GABRA3: variants seen among roughly 807,000 people sequenced by gnomAD.
GABRA3 encodes the protein gamma-aminobutyric acid type A receptor subunit alpha3.
In GABRA3, 10 loss-of-function variants were observed where a neutral mutation model predicts 30.1. That is an observed-to-expected ratio of 0.33 (90% CI 0.20 to 0.56). The LOEUF (loss-of-function observed/expected upper bound fraction) is 0.56, where lower values mean the gene tolerates loss of function less well. Among genes scored for constraint, GABRA3 ranks in the 20% least tolerant of loss-of-function variants. The probability of loss-of-function intolerance (pLI) is 0.89; values close to 1 mark genes in which losing one functional copy is unlikely to be tolerated. For missense variants in GABRA3, 233 were observed against 392.0 expected, an observed-to-expected ratio of 0.59 and a Z score of 3.42; for synonymous variants, 151 against 146.8, an observed-to-expected ratio of 1.03 and a Z score of -0.21.
At chrX:152,439,693 G>A (rs932369215) in intron 1 of GABRA3, among the ~76,000 whole-genome samples, 1 of 111,148 alleles carries the variant, frequency 9.0e-6, no homozygotes, top group South Asian at 3.8e-4. Context: ...TAAATAGTGG[G>A]AAAAAAACAA....
chrX:152,183,523 T>G (rs973172858), intron 9 of GABRA3, among the ~76,000 whole-genome samples: 1 of 111,361 alleles, frequency 9.0e-6, no homozygotes, highest in Non-Finnish European at 1.9e-5. Flanking sequence ...TAATGATCTT[T>G]TCTATTGATT....
intron 3 of GABRA3, among the ~76,000 whole-genome samples, chrX:152,332,385 T>C (rs1940176749): frequency 8.9e-6 from 1 of 111,842 alleles, no homozygotes; most frequent in Non-Finnish European, 1.9e-5. Flanking sequence ...AGATTGCTAA[T>C]TGGGAGAGGT....
chrX:152,284,590 C>T, intron 4 of GABRA3, 78 bp downstream of exon 4: 6 of 659,472 alleles, frequency 9.1e-6, no homozygotes, highest in Non-Finnish European at 1.4e-5. Flanking sequence ...AGCTACAAGG[C>T]CCTGCCTTAG....
chrX:152,355,514 T>G (rs1250787693), intron 2 of GABRA3, among the ~76,000 whole-genome samples: 1 of 111,541 alleles, frequency 9.0e-6, no homozygotes, highest in African/African-American at 3.3e-5. Flanking sequence ...TGAAGAAAGC[T>G]TGATTTACAT....
intron 3 of GABRA3, among the ~76,000 whole-genome samples, chrX:152,308,922 T>C (rs1939759372): frequency 1.8e-5 from 2 of 111,987 alleles, no homozygotes; most frequent in Admixed American, 9.5e-5. Context: ...AAAGATGAAA[T>C]AGCCATTTTA....
At chrX:152,276,839 A>G (rs1195362842) in intron 4 of GABRA3, among the ~76,000 whole-genome samples, 1 of 112,144 alleles carries the variant, frequency 8.9e-6, no homozygotes, top group Non-Finnish European at 1.9e-5. Flanking sequence ...AATGTATGTG[A>G]TATACACATT....
intron 1 of GABRA3, among the ~76,000 whole-genome samples, chrX:152,371,814 C>T (rs1239242238): frequency 9.0e-6 from 1 of 111,351 alleles, no homozygotes; most frequent in Admixed American, 9.6e-5. Flanking sequence ...GTACCAGGCA[C>T]CATTCTAAGT....
intron 3 of GABRA3, among the ~76,000 whole-genome samples, chrX:152,294,005 CTGATG>C (rs1369454122): frequency 1.1e-3 from 128 of 112,075 alleles, no homozygotes; most frequent in Non-Finnish European, 3.9e-4. Context: ...CGCTGTTAGT[CTGATG>C]GGCTTCCCTT....
chrX:152,377,546 A>G, intron 1 of GABRA3, among the ~76,000 whole-genome samples: 1 of 111,269 alleles, frequency 9.0e-6, no homozygotes, highest in South Asian at 3.8e-4. Context: ...TTTGGGGAGA[A>G]TAAACCCAAA....
intron 2 of GABRA3, among the ~76,000 whole-genome samples, chrX:152,347,700 C>G (rs922692287): frequency 9.8e-5 from 11 of 112,060 alleles, no homozygotes; most frequent in Non-Finnish European, 2.1e-4. Flanking sequence ...GAAATACTAG[C>G]TTCCATGAGA....
At chrX:152,354,582 G>A (rs1940522593) in intron 2 of GABRA3, among the ~76,000 whole-genome samples, 1 of 111,684 alleles carries the variant, frequency 9.0e-6, no homozygotes, top group Non-Finnish European at 1.9e-5. Flanking sequence ...AGAAAGCATG[G>A]AGTATATCTG....
chrX:152,170,723 C>A (rs1936992414), intron 9 of GABRA3, among the ~76,000 whole-genome samples: 1 of 111,883 alleles, frequency 8.9e-6, no homozygotes, highest in African/African-American at 3.3e-5. Flanking sequence ...AGCAGCAAGA[C>A]CTTGAAAGGC....
chrX:152,194,367 TTTA>T (rs1937359555), intron 8 of GABRA3, among the ~76,000 whole-genome samples: 1 of 112,018 alleles, frequency 8.9e-6, no homozygotes, highest in African/African-American at 3.2e-5. Flanking sequence ...TCTTTGTCCT[TTTA>T]TTATTGAATT....
At position 152,232,631 on chromosome X, in the gene GABRA3, G is replaced by A. The variant is rs767838593; in HGVS notation, c.552-7786C>T. Among the ~76,000 whole-genome samples, 362 of 108,453 alleles carry A rather than the reference G, an allele frequency of 3.3e-3. 4 individuals are homozygous for A. Among genetic ancestry groups the A allele is most frequent in the African/African-American group, 0.011 (338 of 29,876 alleles). The allele number at this position is 108,453 out of a possible 115,157, so 94.2% of individuals were successfully genotyped here. A position where few individuals can be genotyped will look rare whatever the true frequency, so the allele number is the denominator to read the frequency against. On this transcript the variant is annotated intron_variant, in intron 5 of 9. Coordinates refer to ENST00000370314, the MANE Select transcript of GABRA3 (RefSeq NM_000808.4). ...TGATAAATAGTGTTCTATTGTGTGT[G>A]TGTGTGTGTATATATGTAACATTGT...
intron 6 of GABRA3, among the ~76,000 whole-genome samples, chrX:152,213,579 C>A (rs1260566385): frequency 9.0e-6 from 1 of 111,336 alleles, no homozygotes; most frequent in Non-Finnish European, 1.9e-5. Flanking sequence ...AATAACAAAA[C>A]AACTAAACCT....
chrX:152,221,579 C>T (rs1464564224), intron 6 of GABRA3, among the ~76,000 whole-genome samples: 1 of 111,401 alleles, frequency 9.0e-6, no homozygotes, highest in Non-Finnish European at 1.9e-5. Flanking sequence ...ATTTATGCTG[C>T]TTCATGTTTA....
At chrX:152,333,397 T>C (rs1274833037) in intron 3 of GABRA3, among the ~76,000 whole-genome samples, 1 of 111,716 alleles carries the variant, frequency 9.0e-6, no homozygotes, top group Non-Finnish European at 1.9e-5. Flanking sequence ...TGGTGAAATA[T>C]CAAAAGCTTT....
At chrX:152,237,571 G>A (rs1185642299) in intron 5 of GABRA3, among the ~76,000 whole-genome samples, 2 of 104,686 alleles carry the variant, frequency 1.9e-5, no homozygotes, top group Admixed American at 1.0e-4. Flanking sequence ...CATTGAATCT[G>A]TAAATTACCT....
At chrX:152,309,866 G>A (rs1241450644) in intron 3 of GABRA3, among the ~76,000 whole-genome samples, 1 of 111,998 alleles carries the variant, frequency 8.9e-6, no homozygotes, top group African/African-American at 3.2e-5. Flanking sequence ...AGACTCAACT[G>A]TAATGCTGTC....
Sources: gnomAD v4.1 joint callset for allele counts (sites outside exome capture counted in the v4.1 genomes callset) on GRCh38, gnomAD v4.1.1 for gene constraint, MANE v1.5 for transcripts, NCBI Gene and HGNC (gene_info 2026-07-23, HGNC 2026-07-21) for gene names.